Variants in CNKSR2 observed in about 807,000 individuals in gnomAD.
The protein encoded by CNKSR2 is connector enhancer of kinase suppressor of Ras 2.
Under a neutral mutation model 84.4 loss-of-function variants are expected in CNKSR2, and 14 were observed. The ratio of observed to expected loss-of-function variants is 0.17; its 90% CI spans 0.11 to 0.26. CNKSR2 has a LOEUF of 0.26. Ranked by LOEUF, CNKSR2 falls within the 10% of genes least tolerant of loss-of-function variation. CNKSR2 has a pLI of 1.00. For synonymous variants in CNKSR2, 275 were observed against 277.9 expected, an observed-to-expected ratio of 0.99 and a Z score of 0.10; for missense variants, 485 against 771.2, an observed-to-expected ratio of 0.63 and a Z score of 4.40.
rs138730239 is a variant in CNKSR2, at chrX:21,627,848, C to T, written c.2692+18231C>T. On this transcript the variant is annotated intron_variant, in intron 20 of 21. Transcript: ENST00000379510. ...ACATATTATTCCACCCCTGGCCCCT[C>T]CCAAATCCCATGTCCTCACATTTCA... Among the ~76,000 whole-genome samples the T allele has an allele frequency of 6.8e-3, 757 of 111,148 alleles. 4 individuals are homozygous for T. Among genetic ancestry groups the T allele is most frequent in the Non-Finnish European group, 0.011 (593 of 52,959 alleles).
chrX:21,587,284 A>G (rs2092394292), intron 13 of CNKSR2, among the ~76,000 whole-genome samples: 1 of 112,258 alleles, frequency 8.9e-6, no homozygotes, highest in Admixed American at 9.4e-5. Flanking sequence ...ATTTTCAAAC[A>G]TTAAAACTAG....
At chrX:21,644,554 T>C (rs186892499) in intron 20 of CNKSR2, 1 of 111,770 alleles carries the variant, frequency 8.9e-6, no homozygotes, top group East Asian at 2.8e-4. Flanking sequence ...GGAACCCTTT[T>C]TGGAGTAGTT....
rs192327832 is a variant in CNKSR2, at chrX:21,415,196, C to T, written c.65-11301C>T. Among the ~76,000 whole-genome samples the T allele has an allele frequency of 9.9e-5, 11 of 111,569 alleles. No homozygotes were observed. The East Asian group carries it at 3.1e-3, about 32-fold the overall frequency. On this transcript the variant is annotated intron_variant, in intron 1 of 21. Coordinates refer to ENST00000379510, the MANE Select transcript of CNKSR2 (RefSeq NM_014927.5). Reference sequence around the variant, plus strand: ...CTTCCAATCCATGAACATGAAATATCTTTCCATTTTTTGGTGGTTTCTTCC... The same window carrying T: ...CTTCCAATCCATGAACATGAAATATTTTTCCATTTTTTGGTGGTTTCTTCC...
chrX:21,481,110 C>T (rs892590765), intron 5 of CNKSR2, among the ~76,000 whole-genome samples: 3 of 111,784 alleles, frequency 2.7e-5, no homozygotes, highest in Non-Finnish European at 3.8e-5. Flanking sequence ...TTTGTTAATA[C>T]ATGTAAATGA....
chrX:21,543,011 T>C (rs2091989500), intron 11 of CNKSR2, among the ~76,000 whole-genome samples: 1 of 112,488 alleles, frequency 8.9e-6, no homozygotes, highest in Admixed American at 9.4e-5. Flanking sequence ...GAAAATCAAA[T>C]ACTATGTCCT....
In CNKSR2 at chrX:21,652,411, G is replaced by A; in HGVS notation, c.2995G>A (p.Asp999Asn). 2 of 1,207,673 alleles carry A rather than the reference G, an allele frequency of 1.7e-6. No homozygotes were observed. The highest frequency in any genetic ancestry group is 1.1e-6 in the Non-Finnish European group (1 of 891,944). ...GCAGATGTACCTCGACCTTTTCTTGGATATCTGTCAAAATACCACCTCAAA... is the reference window on the plus strand; with the variant it reads ...GCAGATGTACCTCGACCTTTTCTTGAATATCTGTCAAAATACCACCTCAAA... ...WKQMYLDLFL[D>N]ICQNTTSNDP... Residue 999 changes from aspartate (D) to asparagine (N), a missense_variant, in exon 22 of 22, where the codon GAT (aspartate) becomes AAT (asparagine). By Grantham distance (23) the Asp-to-Asn change is conservative (BLOSUM62 1). Around this residue, in one of 5 missense-constraint regions of CNKSR2, gnomAD observed 210 missense variants for 291.5 expected, o/e 0.72. Coordinates refer to ENST00000379510, the MANE Select transcript of CNKSR2 (RefSeq NM_014927.5).
intron 5 of CNKSR2, among the ~76,000 whole-genome samples, chrX:21,479,285 C>T (rs1398942404): frequency 1.8e-5 from 2 of 110,044 alleles, no homozygotes; most frequent in Non-Finnish European, 3.8e-5. Context: ...TGTGTGTATA[C>T]ACACACACAC....
At chrX:21,542,714 T>C (rs1187941841) in intron 11 of CNKSR2, among the ~76,000 whole-genome samples, 2 of 111,760 alleles carry the variant, frequency 1.8e-5, no homozygotes, top group Non-Finnish European at 3.8e-5. Flanking sequence ...TAGACACAGT[T>C]GGCTGAGTCC....
intron 1 of CNKSR2, among the ~76,000 whole-genome samples, chrX:21,389,409 T>C (rs889199116): frequency 1.8e-4 from 20 of 110,717 alleles, no homozygotes; most frequent in African/African-American, 6.2e-4. Flanking sequence ...CAGGAACTCT[T>C]TATACTATTT....
chrX:21,548,325 A>G (rs988998676), intron 11 of CNKSR2, among the ~76,000 whole-genome samples: 10 of 112,026 alleles, frequency 8.9e-5, no homozygotes, highest in African/African-American at 2.9e-4. Flanking sequence ...TCTAGAAGAA[A>G]TGGGTAAATT....
chrX:21,642,654 G>T (rs751306907), intron 20 of CNKSR2: 5 of 739,518 alleles, frequency 6.8e-6, no homozygotes, highest in Non-Finnish European at 6.4e-6. Flanking sequence ...TCCTGTCACC[G>T]CAGTGTGTGG....
chrX:21,554,817 AG>A (rs1191937851), intron 11 of CNKSR2, among the ~76,000 whole-genome samples: 2 of 111,354 alleles, frequency 1.8e-5, no homozygotes, highest in Non-Finnish European at 3.8e-5. Flanking sequence ...TCTTTATAAT[AG>A]AATGACTTCT....
intron 15 of CNKSR2, chrX:21,592,238 A>G (rs1042775830): frequency 5.4e-5 from 6 of 111,568 alleles, no homozygotes; most frequent in South Asian, 7.6e-4. Context: ...TCACTGGACT[A>G]TCATATGGAT....
intron 4 of CNKSR2, among the ~76,000 whole-genome samples, chrX:21,457,114 T>C (rs1482989041): frequency 4.5e-5 from 5 of 111,486 alleles, no homozygotes; most frequent in Non-Finnish European, 9.4e-5. Context: ...ATATTTTGGA[T>C]ATTAACCCCT....
intron 9 of CNKSR2, among the ~76,000 whole-genome samples, chrX:21,525,322 A>G (rs769293138): frequency 4.5e-5 from 5 of 111,483 alleles, no homozygotes; most frequent in Non-Finnish European, 9.5e-5. Flanking sequence ...ACTGGACCCT[A>G]TTCCAAAATT....
intron 1 of CNKSR2, among the ~76,000 whole-genome samples, chrX:21,396,805 T>G (rs2090127951): frequency 9.0e-6 from 1 of 111,458 alleles, no homozygotes; most frequent in Non-Finnish European, 1.9e-5. Flanking sequence ...ATCTTTCTAG[T>G]AGCAAAATTA....
rs2089766655 is a variant in CNKSR2, at chrX:21,374,515, C to A, written c.-383C>A. ...GAGGGCGTGCGGCAGAGGCTGCTTCCCTCGGCGACGCGACCCCTCAGCAAC... is the reference window on the plus strand; with the variant it reads ...GAGGGCGTGCGGCAGAGGCTGCTTCACTCGGCGACGCGACCCCTCAGCAAC... On this transcript the variant is annotated 5_prime_UTR_variant, in exon 1 of 22. Transcript: ENST00000379510. The A allele has an allele frequency of 2.4e-6, 1 of 409,618 alleles. No individual in the cohort carries two copies. The highest frequency in any genetic ancestry group is 4.3e-6 in the Non-Finnish European group (1 of 231,301). 33.8% of individuals were successfully genotyped at this position (409,618 alleles called of 1,213,427 possible).
intron 21 of CNKSR2, among the ~76,000 whole-genome samples, chrX:21,649,778 T>C (rs2092716073): frequency 9.0e-6 from 1 of 111,023 alleles, no homozygotes; most frequent in South Asian, 3.8e-4. Flanking sequence ...TGTGCCCTTA[T>C]AAAACAAAAA....
chrX:21,388,534 T>G (rs1244178000), intron 1 of CNKSR2, among the ~76,000 whole-genome samples: 1 of 112,072 alleles, frequency 8.9e-6, no homozygotes, highest in Non-Finnish European at 1.9e-5. Flanking sequence ...GATGAGGGCA[T>G]GTAAAAGACT....
Sources: gnomAD v4.1 joint callset for allele counts (sites outside exome capture counted in the v4.1 genomes callset) on GRCh38, gnomAD v4.1.1 for gene constraint, gnomAD v4.1.1 regional missense constraint, MANE v1.5 for transcripts, NCBI Gene and HGNC (gene_info 2026-07-23, HGNC 2026-07-21) for gene names.